The following MAGI3 variants were observed in gnomAD, a reference collection of about 807,000 sequenced individuals.
MAGI3 encodes the protein membrane associated guanylate kinase, WW and PDZ domain containing 3.
Under a neutral mutation model 121.8 loss-of-function variants are expected in MAGI3, and 43 were observed. The ratio of observed to expected loss-of-function variants is 0.35; its 90% CI spans 0.28 to 0.46. MAGI3 has a LOEUF of 0.46. MAGI3 is among the 20% of genes least tolerant of loss of function. The pLI, the probability that MAGI3 is intolerant of heterozygous loss-of-function variation, is 1.00. For synonymous variants in MAGI3, 553 were observed against 639.3 expected, an observed-to-expected ratio of 0.86 and a Z score of 2.04; for missense variants, 1,547 against 1,797.3, an observed-to-expected ratio of 0.86 and a Z score of 2.52.
intron 16 of MAGI3, among the ~76,000 whole-genome samples, chr1:113,670,938 A>C (rs1010581082): frequency 5.9e-5 from 9 of 152,206 alleles, no homozygotes; most frequent in African/African-American, 2.2e-4. Context: ...TAAATATCCT[A>C]TGCTTTTATA....
chr1:113,550,944 T>C (rs376885834), intron 2 of MAGI3, among the ~76,000 whole-genome samples: 164 of 135,780 alleles, frequency 1.2e-3, no homozygotes, highest in South Asian at 3.1e-3. Context: ...TTAAAATCTT[T>C]CCCTTCCCCA....
In MAGI3 at chr1:113,391,120, C is replaced by A. The variant is rs1557730441; in HGVS notation, c.87C>A (p.Phe29Leu). The change falls in exon 1 of 21, where the codon TTC becomes TTA. Residue 29 changes from phenylalanine (F) to leucine (L), a missense_variant. Coordinates refer to ENST00000307546, the MANE Select transcript of MAGI3 (RefSeq NM_001142782.2). The surrounding 1 kb of genome is among the most constrained non-coding windows in gnomAD (Gnocchi z 4.4). ...AVSWAGPPGD[F>L]GAEIRGGAER... The stretch of plus-strand genomic sequence containing the variant: ...CCTGGGCCGGGCCCCCGGGCGACTT[C>A]GGCGCGGAGATCCGCGGTGGCGCGG... 1 of 1,575,924 alleles carries A rather than the reference C, an allele frequency of 6.3e-7. No individual in the cohort carries two copies. Among genetic ancestry groups the A allele is most frequent in the Admixed American group, 1.8e-5 (1 of 54,730 alleles).
intron 1 of MAGI3, among the ~76,000 whole-genome samples, chr1:113,456,246 T>A (rs1307015018): frequency 6.7e-6 from 1 of 150,342 alleles, no homozygotes; most frequent in African/African-American, 2.5e-5. Flanking sequence ...ATTACAGGCG[T>A]GAGCCACCAC....
At chr1:113,430,158 T>A (rs914577823) in intron 1 of MAGI3, among the ~76,000 whole-genome samples, 7 of 152,166 alleles carry the variant, frequency 4.6e-5, no homozygotes, top group Non-Finnish European at 1.0e-4. Flanking sequence ...TAAATACATT[T>A]CTTTTTTTCT....
intron 2 of MAGI3, chr1:113,576,674 A>G (rs1647668576): frequency 6.6e-6 from 1 of 152,268 alleles, no homozygotes; most frequent in South Asian, 2.1e-4. Flanking sequence ...AAAGACTTGA[A>G]TAACCACTTC....
At chr1:113,465,751 T>C (rs1655252692) in intron 1 of MAGI3, among the ~76,000 whole-genome samples, 1 of 152,184 alleles carries the variant, frequency 6.6e-6, no homozygotes, top group African/African-American at 2.4e-5. Flanking sequence ...TTTATATTCA[T>C]TGTAGCTATT....
intron 1 of MAGI3, among the ~76,000 whole-genome samples, chr1:113,441,419 C>A (rs774624181): frequency 6.6e-6 from 1 of 152,060 alleles, no homozygotes; most frequent in Non-Finnish European, 1.5e-5. Context: ...TTACCCAATG[C>A]TCGCTTGGGT....
At chr1:113,496,851 A>T (rs1403929933) in intron 1 of MAGI3, among the ~76,000 whole-genome samples, 1 of 152,248 alleles carries the variant, frequency 6.6e-6, no homozygotes, top group East Asian at 1.9e-4. Context: ...TATCTAGGCC[A>T]CATTAGCCTT....
intron 2 of MAGI3, among the ~76,000 whole-genome samples, chr1:113,555,231 T>C (rs1659939275): frequency 6.6e-6 from 1 of 151,916 alleles, no homozygotes; most frequent in Non-Finnish European, 1.5e-5. Flanking sequence ...GCAGCAGATA[T>C]ACACTGTAAG....
In MAGI3 at chr1:113,636,804, A is replaced by G. The variant is rs559118991; in HGVS notation, c.1361-5107A>G. ...TCCTTGTTGACTTTCTGTCTCGTTG[A>G]TCTGTCTAATGTTGACAGTGGGGTG... On this transcript the variant is annotated intron_variant, in intron 9 of 20. Coordinates refer to ENST00000307546, the MANE Select transcript of MAGI3 (RefSeq NM_001142782.2). 4.5e-4 allele frequency among the ~76,000 whole-genome samples: 68 copies of G among 151,966 alleles called. No homozygotes were observed. The South Asian group carries it at 4.8e-3, about 11-fold the overall frequency.
intron 1 of MAGI3, among the ~76,000 whole-genome samples, chr1:113,525,681 A>G (rs1030826592): frequency 6.6e-6 from 1 of 152,094 alleles, no homozygotes; most frequent in East Asian, 1.9e-4. Context: ...AAGATAAATA[A>G]ATAATGGAGA....
intron 2 of MAGI3, among the ~76,000 whole-genome samples, chr1:113,553,776 T>C (rs1454423048): frequency 6.6e-6 from 1 of 152,184 alleles, no homozygotes. Context: ...TTTGGGAGGC[T>C]GAGGCAGGCG....
intron 1 of MAGI3, among the ~76,000 whole-genome samples, chr1:113,517,900 C>G (rs1335825339): frequency 6.6e-6 from 1 of 151,976 alleles, no homozygotes; most frequent in Non-Finnish European, 1.5e-5. Context: ...ATTGTACCCT[C>G]TTTCTCTCAC....
At chr1:113,635,914 C>G (rs373750611) in intron 9 of MAGI3, among the ~76,000 whole-genome samples, 1,944 of 151,830 alleles carry the variant, frequency 0.013, 18 homozygotes, top group Non-Finnish European at 0.02. Flanking sequence ...GCCTGTTATT[C>G]GTCTATTCAG....
At chr1:113,638,336 C>G (rs1470569018) in intron 9 of MAGI3, among the ~76,000 whole-genome samples, 3 of 152,228 alleles carry the variant, frequency 2.0e-5, no homozygotes, top group Non-Finnish European at 4.4e-5. Context: ...TTTTTCTGCT[C>G]TGTTCTTTCC....
intron 1 of MAGI3, among the ~76,000 whole-genome samples, chr1:113,471,917 C>T (rs557121851): frequency 1.4e-4 from 22 of 152,190 alleles, no homozygotes; most frequent in South Asian, 8.3e-4. Flanking sequence ...TCTGTTAATA[C>T]GTGCTTTGTT....
At chr1:113,435,409 C>T (rs1653519432) in intron 1 of MAGI3, among the ~76,000 whole-genome samples, 2 of 152,008 alleles carry the variant, frequency 1.3e-5, no homozygotes, top group East Asian at 1.9e-4. Context: ...TCATTTTACT[C>T]TTAAAAATAT....
At chr1:113,433,008 A>G (rs1653383862) in intron 1 of MAGI3, among the ~76,000 whole-genome samples, 1 of 152,248 alleles carries the variant, frequency 6.6e-6, no homozygotes, top group South Asian at 2.1e-4. Context: ...GTGAGACTCC[A>G]TTTCTACAAA....
chr1:113,483,893 TTGTG>T (rs149847532), intron 1 of MAGI3, among the ~76,000 whole-genome samples: 11 of 149,500 alleles, frequency 7.4e-5, no homozygotes, highest in South Asian at 2.1e-4. Context: ...TCTAATGTGA[TTGTG>T]TGTGTGTGTG....
Sources: allele counts gnomAD v4.1 joint callset (sites outside exome capture counted in the v4.1 genomes callset), GRCh38; gene constraint gnomAD v4.1.1; non-coding constraint Gnocchi (gnomAD v3.1); transcripts MANE v1.5; gene names NCBI Gene and HGNC (gene_info 2026-07-23, HGNC 2026-07-21).